The following ACTN2 variants were observed in gnomAD, a reference collection of about 807,000 sequenced individuals.
The protein encoded by ACTN2 is actinin alpha 2, also known as alpha-actinin-2.
Under a neutral mutation model 113.8 loss-of-function variants are expected in ACTN2, and 39 were observed. The ratio of observed to expected loss-of-function variants is 0.34; its 90% CI spans 0.27 to 0.45. The LOEUF is 0.45. Among genes scored for constraint, ACTN2 ranks in the 20% least tolerant of loss-of-function variants. The pLI is 1.00. For missense variants in ACTN2, 992 were observed against 1,177.9 expected (o/e 0.84, Z 2.31); for synonymous variants, 429 against 444.1 (o/e 0.97, Z 0.43).
chr1:236,759,131 C>T (rs1294846336), intron 18 of ACTN2, among the ~76,000 whole-genome samples: 2 of 152,168 alleles, frequency 1.3e-5, no homozygotes, highest in Non-Finnish European at 1.5e-5. Flanking sequence ...TGGATATTGA[C>T]GTTCTTATAG....
chr1:236,743,000 G>A lies in ACTN2; in HGVS notation c.1212G>A (p.Glu404=), dbSNP rs1379352019. The stretch of plus-strand genomic sequence containing the variant: ...TGGAGCGCTTGGAACACCTGGCTGA[G>A]AAGTTCAGGCAGAAGGCCTCAACGC... ...RRLERLEHLA[E]KFRQKASTHE... The change falls in exon 11 of 21, where the codon GAG becomes GAA. Residue 404 remains glutamate (E), a synonymous_variant. Transcript: ENST00000366578. 1 of 1,614,042 alleles carries A rather than the reference G, an allele frequency of 6.2e-7. No individual in the cohort carries two copies. The highest frequency in any genetic ancestry group is 8.5e-7 in the Non-Finnish European group (1 of 1,180,046).
chr1:236,747,821 G>A (rs757694104), intron 13 of ACTN2, 46 bp downstream of exon 13: 1 of 1,419,090 alleles, frequency 7.0e-7, no homozygotes, highest in South Asian at 1.2e-5. Flanking sequence ...TTTAATAGAA[G>A]CTCTTTAATT....
At chr1:236,702,583 C>T (rs1208903263) in intron 1 of ACTN2, among the ~76,000 whole-genome samples, 2 of 152,046 alleles carry the variant, frequency 1.3e-5, no homozygotes, top group African/African-American at 4.8e-5. Flanking sequence ...GAAATGGCTC[C>T]AGATGTAAAG....
intron 4 of ACTN2, among the ~76,000 whole-genome samples, chr1:236,724,941 A>T (rs1658507239): frequency 6.6e-6 from 1 of 150,570 alleles, no homozygotes; most frequent in Admixed American, 6.7e-5. Flanking sequence ...AAAGGAATAC[A>T]TTTGAGATGT....
intron 1 of ACTN2, among the ~76,000 whole-genome samples, chr1:236,713,081 C>A (rs1010777359): frequency 6.6e-6 from 1 of 151,658 alleles, no homozygotes. Context: ...CTTAATTATC[C>A]GGAAACAACC....
At chr1:236,755,698 C>T (rs1332236814) in intron 17 of ACTN2, among the ~76,000 whole-genome samples, 3 of 139,182 alleles carry the variant, frequency 2.2e-5, no homozygotes, top group South Asian at 2.5e-4. Context: ...GCAGAGGGCC[C>T]GCTGCCACTG....
At chr1:236,729,608 A>AT (rs1658659349) in intron 6 of ACTN2, among the ~76,000 whole-genome samples, 1 of 152,212 alleles carries the variant, frequency 6.6e-6, no homozygotes, top group South Asian at 2.1e-4. Context: ...CCTCCATGGC[A>AT]TACAGGGTAG....
intron 7 of ACTN2, 71 bp downstream of exon 7, chr1:236,731,385 G>A: frequency 7.7e-7 from 1 of 1,295,430 alleles, no homozygotes; most frequent in South Asian, 1.2e-5. Context: ...TACACATTGG[G>A]ACCTTGCAAA....
intron 6 of ACTN2, among the ~76,000 whole-genome samples, chr1:236,730,326 CT>C (rs1344802012): frequency 6.7e-6 from 1 of 150,050 alleles, no homozygotes; most frequent in African/African-American, 2.5e-5. Flanking sequence ...AGAAAGCTGA[CT>C]TTGGTTTCTT....
chr1:236,703,745 A>T (rs1470946614), intron 1 of ACTN2, among the ~76,000 whole-genome samples: 1 of 152,012 alleles, frequency 6.6e-6, no homozygotes, highest in African/African-American at 2.4e-5. Flanking sequence ...ATTGAATTGC[A>T]AACTAGCTTC....
rs1354629532 is a variant in ACTN2, at chr1:236,754,063, G to C, written c.1956G>C (p.Trp652Cys). ...FAAQANAIGP[W>C]IQNKMEEIAR... ...CCCAAGCCAATGCCATTGGGCCCTG[G>C]ATCCAGAACAAGATGGAGGTAAGCC... The change falls in exon 16 of 21, where the codon TGG becomes TGC. Residue 652 changes from tryptophan to cysteine, a missense_variant. Physicochemically the swap from Trp to Cys is radical, Grantham distance 215. Around this residue, in one of 3 missense-constraint regions of ACTN2, gnomAD observed 736 missense variants for 815.4 expected, o/e 0.90. Transcript: ENST00000366578. The surrounding 1 kb of genome is among the most constrained non-coding windows in gnomAD (Gnocchi z 4.9). The C allele has an allele frequency of 6.2e-7, 1 of 1,614,072 alleles. No homozygotes were observed. Among genetic ancestry groups the C allele is most frequent in the Non-Finnish European group, 8.5e-7 (1 of 1,180,048 alleles).
At chr1:236,728,064 G>A (rs148708573) in intron 6 of ACTN2, among the ~76,000 whole-genome samples, 1 of 151,792 alleles carries the variant, frequency 6.6e-6, no homozygotes, top group Non-Finnish European at 1.5e-5. Flanking sequence ...GTTCCTTAGA[G>A]ATTTTACATT....
intron 4 of ACTN2, among the ~76,000 whole-genome samples, chr1:236,721,951 C>T (rs922494436): frequency 6.6e-6 from 1 of 151,940 alleles, no homozygotes; most frequent in Non-Finnish European, 1.5e-5. Context: ...TATTAACATG[C>T]CCAAAGCAAG....
At chr1:236,724,207 G>A (rs2794748) in intron 4 of ACTN2, among the ~76,000 whole-genome samples, 135,132 of 150,762 alleles carry the variant, frequency 0.9, 61,849 homozygotes, top group Non-Finnish European at 0.99. Flanking sequence ...GGGAGAACCT[G>A]CCAATGAGCA....
In ACTN2 at chr1:236,757,617, C is replaced by G. The variant is rs1163027451; in HGVS notation, c.2286C>G (p.Phe762Leu). 6.2e-7 allele frequency: 1 copy of G among 1,614,202 alleles called. No individual in the cohort carries two copies. Among genetic ancestry groups the G allele is most frequent in the Non-Finnish European group, 8.5e-7 (1 of 1,180,044 alleles). Residue 762 changes from phenylalanine (F) to leucine (L), a missense_variant, in exon 18 of 21, where the codon TTC (phenylalanine) becomes TTG (leucine). Around this residue, in one of 3 missense-constraint regions of ACTN2, gnomAD observed 736 missense variants for 815.4 expected, o/e 0.90. Transcript: ENST00000366578. The stretch of plus-strand genomic sequence containing the variant: ...AGATGAATGAGTTCAGAGCCTCCTT[C>G]AACCACTTTGACAGGGTACCACTCT... ...QEQMNEFRAS[F>L]NHFDRRKNGL...
Position 236,762,539 on chromosome 1 carries a change from T to G in ACTN2, c.2605T>G (p.Tyr869Asp). ...AQYCIKRMPAYSGPGSVPGAL... is the reference protein window; with the variant it reads ...AQYCIKRMPADSGPGSVPGAL... Reference sequence around the variant, plus strand: ...GTACTGCATCAAGAGGATGCCCGCCTACTCGGGCCCAGGCAGTGTGCCTGG... The same window carrying G: ...GTACTGCATCAAGAGGATGCCCGCCGACTCGGGCCCAGGCAGTGTGCCTGG... Residue 869 changes from tyrosine (Y) to aspartate (D), a missense_variant, in exon 21 of 21, where the codon TAC (tyrosine) becomes GAC (aspartate). Coordinates refer to ENST00000366578, the MANE Select transcript of ACTN2 (RefSeq NM_001103.4). 1 of 1,614,184 alleles carries G rather than the reference T, an allele frequency of 6.2e-7. No homozygotes were observed. Among genetic ancestry groups the G allele is most frequent in the South Asian group, 1.1e-5 (1 of 91,084 alleles).
chr1:236,739,195 T>G, intron 9 of ACTN2, 107 bp from the exon 10 acceptor site: 1 of 1,171,754 alleles, frequency 8.5e-7, no homozygotes, highest in South Asian at 1.2e-5. Context: ...TCAGTGATTT[T>G]AGGAACATTC....
chr1:236,764,435 T>C lies in ACTN2; in HGVS notation c.*1816T>C, dbSNP rs1572154853. ...GTAACTCATCTACCTAAACTTTTAA[T>C]TTCTTTACAACATTCAGCAAGAGAG... On this transcript the variant is annotated 3_prime_UTR_variant, in exon 21 of 21. Coordinates refer to ENST00000366578, the MANE Select transcript of ACTN2 (RefSeq NM_001103.4). 6.6e-6 allele frequency: 1 copy of C among 152,214 alleles called. No individual in the cohort carries two copies. The highest frequency in any genetic ancestry group is 2.4e-5 in the African/African-American group (1 of 41,452). The allele number at this position is 152,214 out of a possible 1,614,324, so 9.4% of individuals were successfully genotyped here.
intron 1 of ACTN2, among the ~76,000 whole-genome samples, chr1:236,717,488 A>G (rs1466397403): frequency 6.6e-6 from 1 of 152,164 alleles, no homozygotes; most frequent in Non-Finnish European, 1.5e-5. Context: ...TGCTGCAAGC[A>G]AGCATATTTT....
Sources: allele counts gnomAD v4.1 joint callset (sites outside exome capture counted in the v4.1 genomes callset), GRCh38; gene constraint gnomAD v4.1.1; regional missense constraint gnomAD v4.1.1; non-coding constraint Gnocchi (gnomAD v3.1); transcripts MANE v1.5; gene names NCBI Gene and HGNC (gene_info 2026-07-23, HGNC 2026-07-21).